The following ATP8A1 variants were observed in gnomAD, a reference collection of about 807,000 sequenced individuals.
The protein encoded by ATP8A1 is phospholipid-transporting ATPase IA.
In ATP8A1, 90 loss-of-function variants were observed where a neutral mutation model predicts 177.7. That is an observed-to-expected ratio of 0.51 (90% CI 0.43 to 0.60). The LOEUF is 0.60. Ranked by LOEUF, ATP8A1 falls within the 20% of genes least tolerant of loss-of-function variation. The probability of loss-of-function intolerance (pLI) is 0.00; values close to 1 mark genes in which losing one functional copy is unlikely to be tolerated. For synonymous variants in ATP8A1, 493 were observed against 485.9 expected, an observed-to-expected ratio of 1.01 and a Z score of -0.19; for missense variants, 1,072 against 1,392.8, an observed-to-expected ratio of 0.77 and a Z score of 3.67.
At chr4:42,460,158 A>G (rs1288651922) in intron 27 of ATP8A1, among the ~76,000 whole-genome samples, 3 of 152,136 alleles carry the variant, frequency 2.0e-5, no homozygotes, top group African/African-American at 7.2e-5. Context: ...CTGCCTGTAC[A>G]CTTCAAAACT....
At chr4:42,484,967 T>C (rs192382245) in intron 25 of ATP8A1, among the ~76,000 whole-genome samples, 5 of 152,324 alleles carry the variant, frequency 3.3e-5, no homozygotes, top group East Asian at 1.9e-4. Flanking sequence ...ACTGGAGCTA[T>C]GTCGTTTACA....
chr4:42,508,268 G>T (rs1201001132), intron 22 of ATP8A1, among the ~76,000 whole-genome samples: 2 of 152,094 alleles, frequency 1.3e-5, no homozygotes, highest in Non-Finnish European at 2.9e-5. Context: ...GAGTAGCTTG[G>T]ATTATAGGTA....
intron 1 of ATP8A1, among the ~76,000 whole-genome samples, chr4:42,645,220 A>G (rs1252271956): frequency 1.3e-5 from 2 of 152,230 alleles, no homozygotes; most frequent in Non-Finnish European, 2.9e-5. Context: ...TTAATGTATG[A>G]CCTTGATCAT....
intron 22 of ATP8A1, among the ~76,000 whole-genome samples, chr4:42,519,694 A>C (rs1481688391): frequency 6.6e-6 from 1 of 152,224 alleles, no homozygotes; most frequent in East Asian, 1.9e-4. Context: ...AGATGGACAC[A>C]GAATCAGTCT....
chr4:42,544,064 T>G (rs1289743964), intron 19 of ATP8A1, 78 bp from the exon 20 acceptor site: 4 of 1,169,492 alleles, frequency 3.4e-6, no homozygotes, highest in Non-Finnish European at 5.0e-6. Flanking sequence ...CTCACATATT[T>G]TGATATTCAC....
chr4:42,464,889 T>C lies in ATP8A1; in HGVS notation c.2508+4A>G. The C allele has an allele frequency of 1.2e-6, 2 of 1,613,936 alleles. No individual in the cohort carries two copies. The highest frequency in any genetic ancestry group is 1.7e-6 in the Non-Finnish European group (2 of 1,179,854). The stretch of plus-strand genomic sequence containing the variant: ...TGATGTGTTTTGCAGAAATGACGCT[T>C]TACCTGAGCTATGGAGTAGTCAGAG... On this transcript the variant is annotated splice_donor_region_variant and intron_variant, in intron 26 of 36. Coordinates refer to ENST00000381668, the MANE Select transcript of ATP8A1 (RefSeq NM_006095.2).
chr4:42,413,699 G>A (rs1363414893), intron 36 of ATP8A1, among the ~76,000 whole-genome samples: 1 of 152,138 alleles, frequency 6.6e-6, no homozygotes, highest in African/African-American at 2.4e-5. Flanking sequence ...TTTGCTTTTA[G>A]GAATTTTGTG....
At chr4:42,434,731 G>C (rs76734762) in intron 33 of ATP8A1, among the ~76,000 whole-genome samples, 4 of 152,186 alleles carry the variant, frequency 2.6e-5, no homozygotes, top group African/African-American at 9.7e-5. Flanking sequence ...TATTGGTAAT[G>C]TCTAAGAAGG....
chr4:42,455,502 A>C, intron 28 of ATP8A1, 23 bp downstream of exon 28: 1 of 1,613,554 alleles, frequency 6.2e-7, no homozygotes, highest in South Asian at 1.1e-5. Flanking sequence ...TGAAACAGGA[A>C]TTATCAAATG....
At chr4:42,438,113 A>T (rs1434421217) in intron 33 of ATP8A1, among the ~76,000 whole-genome samples, 2 of 152,198 alleles carry the variant, frequency 1.3e-5, no homozygotes, top group African/African-American at 4.8e-5. Flanking sequence ...AAGGGGAAAG[A>T]AAAGATGAGA....
At chr4:42,493,929 C>T (rs1465838888) in intron 24 of ATP8A1, among the ~76,000 whole-genome samples, 5 of 151,980 alleles carry the variant, frequency 3.3e-5, no homozygotes, top group East Asian at 1.9e-4. Flanking sequence ...GCGCCAGGTC[C>T]GGTGGCTCCC....
rs1481370197 is a variant in ATP8A1, at chr4:42,656,955, C to A, written c.-82G>T. 5 of 1,341,422 alleles carry A rather than the reference C, an allele frequency of 3.7e-6. No individual in the cohort carries two copies. The highest frequency in any genetic ancestry group is 3.1e-5 in the East Asian group (1 of 32,500). The allele number at this position is 1,341,422 out of a possible 1,614,324, so 83.1% of individuals were successfully genotyped here. A position where few individuals can be genotyped will look rare whatever the true frequency, so the allele number is the denominator to read the frequency against. ...GTACACGCGGGAGACCCGGCTGCGC[C>A]GCGCAGAGCGCTCAGCTGCAGCCTG... On this transcript the variant is annotated 5_prime_UTR_variant, in exon 1 of 37. Coordinates refer to ENST00000381668, the MANE Select transcript of ATP8A1 (RefSeq NM_006095.2).
intron 33 of ATP8A1, among the ~76,000 whole-genome samples, chr4:42,432,003 C>T (rs972266142): frequency 1.3e-5 from 2 of 152,174 alleles, no homozygotes; most frequent in Admixed American, 6.5e-5. Flanking sequence ...CTTGCTATAC[C>T]GCAGTGCTTT....
chr4:42,519,898 T>C (rs1164348764), intron 22 of ATP8A1, among the ~76,000 whole-genome samples: 4 of 152,196 alleles, frequency 2.6e-5, no homozygotes, highest in Admixed American at 2.0e-4. Flanking sequence ...GTAGTTTACA[T>C]GGATGCATAT....
chr4:42,421,597 T>C (rs13145401), intron 35 of ATP8A1, among the ~76,000 whole-genome samples: 57,207 of 151,922 alleles, frequency 0.38, 11,096 homozygotes, highest in African/African-American at 0.45. Flanking sequence ...AGTGCTATTA[T>C]TTTCAAAAAA....
intron 5 of ATP8A1, among the ~76,000 whole-genome samples, chr4:42,606,331 C>T (rs910857786): frequency 1.4e-4 from 22 of 152,184 alleles, no homozygotes; most frequent in African/African-American, 5.1e-4. Context: ...TCTCTTTCAC[C>T]CTCAACACGG....
rs180840704 is a variant in ATP8A1, at chr4:42,453,536, C to A, written c.2818-1477G>T. Among the ~76,000 whole-genome samples, 5 of 152,224 alleles carry A rather than the reference C, an allele frequency of 3.3e-5. No individual in the cohort carries two copies. The East Asian group carries it at 9.7e-4, about 29-fold the overall frequency. ...AGACTTTTTTCAACAATAAAAGATA[C>A]GAGGAATGATGCTCCCACATTAAAA... On this transcript the variant is annotated intron_variant, in intron 29 of 36. Coordinates refer to ENST00000381668, the MANE Select transcript of ATP8A1 (RefSeq NM_006095.2).
At chr4:42,642,201 T>A (rs1208469511) in intron 1 of ATP8A1, among the ~76,000 whole-genome samples, 3 of 152,112 alleles carry the variant, frequency 2.0e-5, no homozygotes, top group African/African-American at 7.2e-5. Flanking sequence ...GATAACACAA[T>A]GCCACAACCA....
chr4:42,446,564 A>G lies in ATP8A1; in HGVS notation c.2958+19T>C, dbSNP rs1163350188. The stretch of plus-strand genomic sequence containing the variant: ...GGTTTTGATTTTACACGCAAACGAG[A>G]CCGACATCCCGCACTCACAGTGTAC... On this transcript the variant is annotated intron_variant, in intron 31 of 36. Coordinates refer to ENST00000381668, the MANE Select transcript of ATP8A1 (RefSeq NM_006095.2). 1.9e-6 allele frequency: 3 copies of G among 1,611,016 alleles called. No homozygotes were observed. Among genetic ancestry groups the G allele is most frequent in the Non-Finnish European group, 2.5e-6 (3 of 1,177,682 alleles).
Sources: gnomAD v4.1 joint callset for allele counts (sites outside exome capture counted in the v4.1 genomes callset) on GRCh38, gnomAD v4.1.1 for gene constraint, MANE v1.5 for transcripts, NCBI Gene and HGNC (gene_info 2026-07-23, HGNC 2026-07-21) for gene names.